The following GPC5 variants were observed in gnomAD, a reference collection of about 807,000 sequenced individuals.
GPC5 encodes the protein glypican 5.
GPC5 carries 47 observed loss-of-function variants against 53.9 expected under a neutral mutation model. The observed-to-expected ratio is 0.87, with a 90% CI of 0.69 to 1.11. The LOEUF (loss-of-function observed/expected upper bound fraction) is 1.11. Among genes scored for constraint, GPC5 ranks in the 50% most tolerant of loss-of-function variants. The pLI is 0.00. For synonymous variants in GPC5, 286 were observed against 263.3 expected (o/e 1.09, Z -0.84); for missense variants, 748 against 713.1 (o/e 1.05, Z -0.56).
At chr13:91,893,440 G>A (rs1364317586) in intron 5 of GPC5, among the ~76,000 whole-genome samples, 1 of 152,034 alleles carries the variant, frequency 6.6e-6, no homozygotes, top group African/African-American at 2.4e-5. Flanking sequence ...AATCTGAAGA[G>A]AATTTTTAAA....
chr13:92,034,773 C>A (rs2040879815), intron 6 of GPC5, among the ~76,000 whole-genome samples: 1 of 151,964 alleles, frequency 6.6e-6, no homozygotes, highest in Non-Finnish European at 1.5e-5. Context: ...TTCAGTGGAT[C>A]TTAGCTTAAA....
At chr13:92,736,559 G>C (rs1180184061) in intron 7 of GPC5, among the ~76,000 whole-genome samples, 9 of 151,854 alleles carry the variant, frequency 5.9e-5, no homozygotes, top group African/African-American at 2.2e-4. Flanking sequence ...CCACACCAGT[G>C]TGACTTTCTC....
chr13:91,560,407 C>T (rs1251812229), intron 2 of GPC5, among the ~76,000 whole-genome samples: 1 of 152,104 alleles, frequency 6.6e-6, no homozygotes, highest in Non-Finnish European at 1.5e-5. Context: ...CTGATTTCAG[C>T]TGTGATAATG....
In GPC5 at chr13:91,886,348, C is replaced by T. The variant is rs531873137; in HGVS notation, c.1281-21589C>T. ...CCCTCCCACTGGGCCTCTCCCATGA[C>T]ATGTGGGGATTATGGGAACTATAAT... On this transcript the variant is annotated intron_variant, in intron 5 of 7. Transcript: ENST00000377067. Among the ~76,000 whole-genome samples, 10 of 152,262 alleles carry T rather than the reference C, an allele frequency of 6.6e-5. No homozygotes were observed. In the East Asian group the frequency reaches 1.9e-3, roughly 29 times the overall value.
chr13:91,527,580 G>A (rs183583337), intron 2 of GPC5, among the ~76,000 whole-genome samples: 22 of 152,320 alleles, frequency 1.4e-4, no homozygotes, highest in Admixed American at 7.2e-4. Context: ...CGGGCGTCTG[G>A]AGGACAGTGC....
intron 7 of GPC5, among the ~76,000 whole-genome samples, chr13:92,610,011 A>G (rs895391240): frequency 4.2e-5 from 6 of 143,544 alleles, no homozygotes; most frequent in Non-Finnish European, 7.5e-5. Flanking sequence ...AGTCTGAGCA[A>G]CAGAGCGAGA....
chr13:92,576,043 T>C (rs1170836703), intron 7 of GPC5, among the ~76,000 whole-genome samples: 1 of 152,146 alleles, frequency 6.6e-6, no homozygotes, highest in Non-Finnish European at 1.5e-5. Flanking sequence ...CATAAAGGTG[T>C]GTATGTGTAT....
At chr13:92,128,658 T>C (rs1458484103) in intron 6 of GPC5, among the ~76,000 whole-genome samples, 1 of 152,172 alleles carries the variant, frequency 6.6e-6, no homozygotes. Context: ...ATTGCAGGCA[T>C]GCTTTTAATT....
At chr13:92,135,521 G>T (rs1221124454) in intron 6 of GPC5, among the ~76,000 whole-genome samples, 4 of 152,118 alleles carry the variant, frequency 2.6e-5, no homozygotes, top group African/African-American at 4.8e-5. Context: ...GGTGGAACTG[G>T]CCACATTTTG....
intron 7 of GPC5, among the ~76,000 whole-genome samples, chr13:92,830,702 T>A (rs1370352327): frequency 6.6e-6 from 1 of 152,152 alleles, no homozygotes; most frequent in Non-Finnish European, 1.5e-5. Flanking sequence ...GATTTCATTT[T>A]GGCCACACTT....
At position 92,219,090 on chromosome 13, in the gene GPC5, C is replaced by T. The variant is rs577162790; in HGVS notation, c.1561+74101C>T. Among the ~76,000 whole-genome samples, 90 of 152,230 alleles carry T rather than the reference C, an allele frequency of 5.9e-4. 1 individual carries two copies. In the South Asian group the frequency reaches 0.018, roughly 30 times the overall value. The stretch of plus-strand genomic sequence containing the variant: ...GCAGTCTGTTTCTATGTGCTTTCCT[C>T]CTGTTTTCTCCCATTGTGTTGAGTA... On this transcript the variant is annotated intron_variant, in intron 7 of 7. Transcript: ENST00000377067.
chr13:91,477,234 A>T (rs1487522422), intron 2 of GPC5, among the ~76,000 whole-genome samples: 1 of 152,208 alleles, frequency 6.6e-6, no homozygotes, highest in Non-Finnish European at 1.5e-5. Flanking sequence ...GCAAGAAATT[A>T]TAAGGCCCTG....
chr13:92,284,539 C>T (rs1462350410), intron 7 of GPC5, among the ~76,000 whole-genome samples: 1 of 152,144 alleles, frequency 6.6e-6, no homozygotes, highest in Non-Finnish European at 1.5e-5. Context: ...AAAGCTTATC[C>T]ACCATGATCA....
At chr13:91,509,063 G>C (rs1594185853) in intron 2 of GPC5, among the ~76,000 whole-genome samples, 1 of 152,112 alleles carries the variant, frequency 6.6e-6, no homozygotes, top group East Asian at 1.9e-4. Context: ...TGAAGGTTGA[G>C]ACAAAGACTG....
At chr13:92,421,590 T>G (rs1876564396) in intron 7 of GPC5, among the ~76,000 whole-genome samples, 1 of 147,578 alleles carries the variant, frequency 6.8e-6, no homozygotes, top group African/African-American at 2.5e-5. Context: ...TCCCAGCTAC[T>G]CGGGAGGCTG....
intron 7 of GPC5, among the ~76,000 whole-genome samples, chr13:92,717,594 G>T (rs1314358204): frequency 1.3e-5 from 2 of 152,120 alleles, no homozygotes; most frequent in Non-Finnish European, 2.9e-5. Flanking sequence ...CATCAAATGT[G>T]TATTTTCTTC....
At chr13:92,177,719 C>T (rs1023181118) in intron 7 of GPC5, among the ~76,000 whole-genome samples, 1 of 152,148 alleles carries the variant, frequency 6.6e-6, no homozygotes, top group African/African-American at 2.4e-5. Flanking sequence ...CTTCATGTGA[C>T]AACACTGAAT....
chr13:92,053,890 G>C (rs2041051545), intron 6 of GPC5, among the ~76,000 whole-genome samples: 1 of 151,814 alleles, frequency 6.6e-6, no homozygotes, highest in South Asian at 2.1e-4. Flanking sequence ...AAATTAGCCG[G>C]TTGTGGTGGG....
intron 7 of GPC5, among the ~76,000 whole-genome samples, chr13:92,361,506 T>C (rs2043566610): frequency 6.6e-6 from 1 of 151,708 alleles, no homozygotes; most frequent in African/African-American, 2.4e-5. Flanking sequence ...AGCAGGCTTA[T>C]GAGAGAGCAT....
Sources: allele counts gnomAD v4.1 joint callset (sites outside exome capture counted in the v4.1 genomes callset), GRCh38; gene constraint gnomAD v4.1.1; transcripts MANE v1.5; gene names NCBI Gene and HGNC (gene_info 2026-07-23, HGNC 2026-07-21).